Variants in TDRP observed in about 807,000 individuals in gnomAD.
TDRP encodes testis development related protein.
TDRP carries 12 observed loss-of-function variants against 10.5 expected under a neutral mutation model. That is an observed-to-expected ratio of 1.15 (90% confidence interval 0.73 to 1.86). The LOEUF (loss-of-function observed/expected upper bound fraction) is 1.86, where lower values mean the gene tolerates loss of function less well. Ranked by LOEUF, TDRP falls within the 40% of genes most tolerant of loss-of-function variation. The pLI is 0.00. For missense variants in TDRP, 353 were observed against 229.2 expected (o/e 1.54, Z -3.49); for synonymous variants, 139 against 95.4 (o/e 1.46, Z -2.67).
rs945942620 is a variant in TDRP at position 490,463 on chromosome 8, C to A, written c.*1936G>T. On this transcript the variant is annotated 3_prime_UTR_variant, in exon 3 of 3. Transcript: ENST00000324079. ...GGCACGGCAACTGCAGCCATCACAG[C>A]CACAGAGCTCCCCACAACATGGGAA... 5 of 152,364 alleles carry A rather than the reference C, an allele frequency of 3.3e-5. No individual in the cohort carries two copies. The highest frequency in any genetic ancestry group is 9.6e-5 in the African/African-American group (4 of 41,574). 9.4% of individuals were successfully genotyped at this position (152,364 alleles called of 1,614,324 possible). A position where few individuals can be genotyped will look rare whatever the true frequency, so the allele number is the denominator to read the frequency against.
chr8:535,878 C>T (rs1584883834), intron 1 of TDRP, among the ~76,000 whole-genome samples: 1 of 151,936 alleles, frequency 6.6e-6, no homozygotes, highest in African/African-American at 2.4e-5. Context: ...AGGGGTGGAA[C>T]CCACCAGCCC....
At chr8:497,765 G>C (rs534676931) in intron 1 of TDRP, among the ~76,000 whole-genome samples, 1 of 152,336 alleles carries the variant, frequency 6.6e-6, no homozygotes, top group Non-Finnish European at 1.5e-5. Flanking sequence ...AGGCCTAGGA[G>C]GGAAAAATGG....
At chr8:539,358 C>A (rs185659708) in intron 1 of TDRP, among the ~76,000 whole-genome samples, 6 of 152,254 alleles carry the variant, frequency 3.9e-5, no homozygotes, top group Admixed American at 3.9e-4. Context: ...TCACCAAGAA[C>A]GAAGCACCCT....
intron 1 of TDRP, among the ~76,000 whole-genome samples, chr8:508,693 T>TCATTCCAC (rs1161688583): frequency 6.6e-6 from 1 of 152,148 alleles, no homozygotes; most frequent in African/African-American, 2.4e-5. Context: ...CCAAACCGTA[T>TCATTCCAC]CATTCCACCC....
intron 1 of TDRP, among the ~76,000 whole-genome samples, chr8:538,161 G>T (rs557245517): frequency 2.9e-4 from 44 of 152,334 alleles, no homozygotes; most frequent in African/African-American, 1.0e-3. Context: ...GCTGTGATTT[G>T]CAGCCAACCG....
chr8:494,491 T>TA lies in TDRP; in HGVS notation c.212+2dup. 1 of 1,613,216 alleles carries TA rather than the reference T, an allele frequency of 6.2e-7. No homozygotes were observed. The highest frequency in any genetic ancestry group is 1.1e-5 in the South Asian group (1 of 91,052). ...ATCATTTTCTTACACAGTTATGACT[T>TA]ACCCTTTGGACTTGGGAGATTTACA... On this transcript the variant is annotated splice_region_variant and intron_variant, in intron 2 of 2. Coordinates refer to ENST00000324079, the MANE Select transcript of TDRP (RefSeq NM_001384899.1).
At chr8:496,488 T>C (rs1194078551) in intron 1 of TDRP, among the ~76,000 whole-genome samples, 3 of 152,194 alleles carry the variant, frequency 2.0e-5, no homozygotes, top group Non-Finnish European at 2.9e-5. Context: ...TTCGTGACCT[T>C]GGGGAACTTA....
At chr8:500,522 C>A (rs970318867) in intron 1 of TDRP, among the ~76,000 whole-genome samples, 1 of 152,194 alleles carries the variant, frequency 6.6e-6, no homozygotes, top group Non-Finnish European at 1.5e-5. Flanking sequence ...CTCATCTAAC[C>A]AAGTGACACT....
At chr8:532,495 T>C (rs1187100736) in intron 1 of TDRP, among the ~76,000 whole-genome samples, 1 of 152,242 alleles carries the variant, frequency 6.6e-6, no homozygotes, top group African/African-American at 2.4e-5. Flanking sequence ...ATCACAACTG[T>C]TCTAAATGTT....
chr8:537,030 C>A (rs375057821), intron 1 of TDRP, among the ~76,000 whole-genome samples: 4 of 152,302 alleles, frequency 2.6e-5, no homozygotes, highest in Non-Finnish European at 5.9e-5. Context: ...AGATCAGCTC[C>A]CCTAAGGCTG....
rs781614919 is a variant in TDRP at position 544,742 on chromosome 8, G to A, written c.16C>T (p.Arg6Trp). Residue 6 changes from arginine to tryptophan, a missense_variant, in exon 1 of 3, where the codon CGG (arginine) becomes TGG (tryptophan). Coordinates refer to ENST00000324079, the MANE Select transcript of TDRP (RefSeq NM_001384899.1). Reference sequence around the variant, plus strand: ...GGCTCGTCCAGCAGCACTCGGCCCCGGCCCAGCTTCCACATGGTCAGGCGG... The same window carrying A: ...GGCTCGTCCAGCAGCACTCGGCCCCAGCCCAGCTTCCACATGGTCAGGCGG... MWKLG[R>W]GRVLLDEPPE... is the part of the protein sequence containing the mutation. 1 of 1,239,672 alleles carries A rather than the reference G, an allele frequency of 8.1e-7. No individual in the cohort carries two copies. 76.8% of individuals were successfully genotyped at this position (1,239,672 alleles called of 1,614,324 possible).
intron 1 of TDRP, among the ~76,000 whole-genome samples, chr8:514,734 G>C (rs1211497470): frequency 6.6e-6 from 1 of 152,088 alleles, no homozygotes. Context: ...ACTGGGAAAT[G>C]TCTATTTTTG....
intron 1 of TDRP, among the ~76,000 whole-genome samples, chr8:521,168 C>T (rs147624372): frequency 0.051 from 7,538 of 147,492 alleles, 195 homozygotes; most frequent in African/African-American, 0.072. Flanking sequence ...TTTGGGAGGC[C>T]GAGGCAGGCG....
In TDRP at chr8:516,991, AT is replaced by A. The variant is rs1320416335; in HGVS notation, c.109-22395del. 1.3e-5 allele frequency among the ~76,000 whole-genome samples: 2 copies of A among 152,168 alleles called. 1 individual carries two copies. The highest frequency in any genetic ancestry group is 4.8e-5 in the African/African-American group (2 of 41,438). Reference sequence around the variant, plus strand: ...ATCTTAAATGTATAAACCAACTAAAATTCTAAGCCTCCTGATGCACTGAATG... The same window carrying A: ...ATCTTAAATGTATAAACCAACTAAAATCTAAGCCTCCTGATGCACTGAATG... On this transcript the variant is annotated intron_variant, in intron 1 of 2. Coordinates refer to ENST00000324079, the MANE Select transcript of TDRP (RefSeq NM_001384899.1).
intron 1 of TDRP, among the ~76,000 whole-genome samples, chr8:537,874 A>G (rs2116873754): frequency 6.6e-6 from 1 of 152,338 alleles, no homozygotes; most frequent in Admixed American, 6.5e-5. Flanking sequence ...CTACTTGGTT[A>G]TATAAAAGAG....
intron 1 of TDRP, among the ~76,000 whole-genome samples, chr8:511,288 C>A (rs1037009713): frequency 7.9e-5 from 12 of 152,002 alleles, no homozygotes; most frequent in African/African-American, 2.9e-4. Context: ...AGGAAGGAAA[C>A]AGAGATATGC....
intron 1 of TDRP, among the ~76,000 whole-genome samples, chr8:508,312 T>A (rs1164014263): frequency 6.6e-6 from 1 of 152,198 alleles, no homozygotes. Flanking sequence ...CTGCTACAGA[T>A]AATATGTGTA....
chr8:515,511 G>T (rs1337087260), intron 1 of TDRP, among the ~76,000 whole-genome samples: 1 of 152,086 alleles, frequency 6.6e-6, no homozygotes, highest in Non-Finnish European at 1.5e-5. Flanking sequence ...ATGCTCCAAT[G>T]GGCATTTTTG....
intron 1 of TDRP, among the ~76,000 whole-genome samples, chr8:514,940 A>G (rs1423856257): frequency 6.6e-6 from 1 of 152,222 alleles, no homozygotes. Flanking sequence ...GAATTGGATC[A>G]TGATGGTATT....
Sources: gnomAD v4.1 joint callset for allele counts (sites outside exome capture counted in the v4.1 genomes callset) on GRCh38, gnomAD v4.1.1 for gene constraint, MANE v1.5 for transcripts, NCBI Gene and HGNC (gene_info 2026-07-23, HGNC 2026-07-21) for gene names.